The following RBFOX1 variants were observed in gnomAD, a reference collection of about 807,000 sequenced individuals.
RBFOX1 encodes the protein RNA binding fox-1 homolog 1, also known as RNA binding protein fox-1 homolog 1.
A neutral mutation model predicts 57.7 loss-of-function variants in RBFOX1; 8 were observed. That is an observed-to-expected ratio of 0.14 (90% CI 0.08 to 0.25). RBFOX1 has a LOEUF of 0.25. RBFOX1 is among the 10% of genes least tolerant of loss of function. The pLI is 1.00. For synonymous variants in RBFOX1, 326 were observed against 222.4 expected (o/e 1.47, Z -4.15); for missense variants, 611 against 548.5 (o/e 1.11, Z -1.14).
chr16:6,065,260 C>T (rs935203077), intron 1 of RBFOX1, among the ~76,000 whole-genome samples: 1 of 150,524 alleles, frequency 6.6e-6, no homozygotes, highest in Non-Finnish European at 1.5e-5. Flanking sequence ...GTCTCAAACT[C>T]CTGGTCTCAA....
At chr16:5,315,416 A>T (rs1030163530) in intron 1 of RBFOX1, among the ~76,000 whole-genome samples, 1 of 152,234 alleles carries the variant, frequency 6.6e-6, no homozygotes, top group Non-Finnish European at 1.5e-5. Context: ...ATCAACAGTG[A>T]AAAAGGGTAC....
chr16:6,807,197 G>A (rs1603627285), intron 3 of RBFOX1, among the ~76,000 whole-genome samples: 1 of 151,962 alleles, frequency 6.6e-6, no homozygotes. Flanking sequence ...ATTGGACAGG[G>A]AGACCAGTTA....
At chr16:5,950,116 C>T (rs1420437775) in intron 4 of RBFOX1, among the ~76,000 whole-genome samples, 3 of 152,220 alleles carry the variant, frequency 2.0e-5, no homozygotes, top group Admixed American at 2.0e-4. Flanking sequence ...AATGTAGAGA[C>T]GTTTCCACCT....
chr16:6,313,205 CAAAT>C (rs2080597317), intron 1 of RBFOX1, among the ~76,000 whole-genome samples: 1 of 152,062 alleles, frequency 6.6e-6, no homozygotes, highest in Non-Finnish European at 1.5e-5. Flanking sequence ...TCCTTACTAA[CAAAT>C]AAATAAGGCT....
chr16:5,466,981 T>C (rs1426947523), intron 1 of RBFOX1, among the ~76,000 whole-genome samples: 1 of 152,192 alleles, frequency 6.6e-6, no homozygotes, highest in Non-Finnish European at 1.5e-5. Flanking sequence ...TACCATGTTC[T>C]CCCCCATCTT....
chr16:6,796,219 T>C (rs1274202726), intron 3 of RBFOX1, among the ~76,000 whole-genome samples: 1 of 152,128 alleles, frequency 6.6e-6, no homozygotes, highest in Admixed American at 6.5e-5. Context: ...CTGAAGAGAC[T>C]TATTCACTAT....
chr16:6,472,823 C>T (rs1382688884), intron 2 of RBFOX1, among the ~76,000 whole-genome samples: 1 of 151,828 alleles, frequency 6.6e-6, no homozygotes. Context: ...TGGGGTTTTA[C>T]CGTGTTGTCC....
intron 2 of RBFOX1, among the ~76,000 whole-genome samples, chr16:6,575,858 A>T (rs2097426312): frequency 2.3e-5 from 3 of 128,838 alleles, no homozygotes; most frequent in African/African-American, 9.3e-5. Context: ...CTCCATCTCA[A>T]TAAAAAATAA....
chr16:6,601,982 T>C (rs937036586), intron 2 of RBFOX1, among the ~76,000 whole-genome samples: 4 of 148,382 alleles, frequency 2.7e-5, no homozygotes, highest in African/African-American at 7.9e-5. Context: ...TCTTCTCTCT[T>C]GTCAGGTAGG....
At chr16:5,958,568 G>A (rs1483244458) in intron 4 of RBFOX1, among the ~76,000 whole-genome samples, 2 of 152,192 alleles carry the variant, frequency 1.3e-5, no homozygotes, top group African/African-American at 4.8e-5. Flanking sequence ...AGCAGGTGAG[G>A]ATTTAAATGA....
At chr16:7,653,784 C>CTCTT in intron 11 of RBFOX1, 31 bp from the exon 12 acceptor site, 1 of 1,167,084 alleles carries the variant, frequency 8.6e-7, no homozygotes, top group Non-Finnish European at 1.2e-6. Flanking sequence ...ACAGCCTGTG[C>CTCTT]TCTCTCTCTC....
chr16:7,554,181 C>G (rs2087543420), intron 5 of RBFOX1, among the ~76,000 whole-genome samples: 1 of 152,170 alleles, frequency 6.6e-6, no homozygotes, highest in African/African-American at 2.4e-5. Context: ...GGAAAACTAA[C>G]AGTTTCAATT....
At chr16:7,710,446 TG>T in intron 15 of RBFOX1, 176 bp from the exon 16 acceptor site, 1 of 1,433,312 alleles carries the variant, frequency 7.0e-7, no homozygotes, top group South Asian at 1.6e-5. Context: ...GAGGAGCTAT[TG>T]GGGAAGGTCA....
intron 3 of RBFOX1, among the ~76,000 whole-genome samples, chr16:5,706,695 G>C (rs2051261043): frequency 6.6e-6 from 1 of 152,124 alleles, no homozygotes; most frequent in African/African-American, 2.4e-5. Flanking sequence ...CTAAAGCACT[G>C]GTTGCCAAAT....
At chr16:5,941,248 G>A (rs1458792557) in intron 4 of RBFOX1, among the ~76,000 whole-genome samples, 1 of 152,098 alleles carries the variant, frequency 6.6e-6, no homozygotes, top group East Asian at 1.9e-4. Flanking sequence ...CCAATGCTTT[G>A]GAAGGCTGAG....
intron 1 of RBFOX1, among the ~76,000 whole-genome samples, chr16:6,110,495 T>G (rs2096433458): frequency 1.3e-5 from 2 of 152,194 alleles, no homozygotes; most frequent in South Asian, 2.1e-4. Context: ...AGCAGTCATT[T>G]GTGAAATGAT....
At chr16:6,389,596 C>T (rs557193132) in intron 2 of RBFOX1, among the ~76,000 whole-genome samples, 4 of 152,112 alleles carry the variant, frequency 2.6e-5, no homozygotes, top group Non-Finnish European at 5.9e-5. Flanking sequence ...TCTTGGATGT[C>T]TCTACCTAAA....
chr16:7,695,999 G>T (rs556151168), intron 14 of RBFOX1, among the ~76,000 whole-genome samples: 13 of 152,292 alleles, frequency 8.5e-5, no homozygotes, highest in African/African-American at 2.6e-4. Context: ...TTAAGCAGTA[G>T]AACAGCAGCA....
chr16:5,874,393 G>A (rs984792324), intron 4 of RBFOX1, among the ~76,000 whole-genome samples: 3 of 152,160 alleles, frequency 2.0e-5, no homozygotes, highest in African/African-American at 4.8e-5. Context: ...GGGCACAGTC[G>A]GGGATTTACA....
Sources: allele counts gnomAD v4.1 joint callset (sites outside exome capture counted in the v4.1 genomes callset), GRCh38; gene constraint gnomAD v4.1.1; transcripts MANE v1.5; gene names NCBI Gene and HGNC (gene_info 2026-07-23, HGNC 2026-07-21).